The following MGAT5 variants were observed in gnomAD, a reference collection of about 807,000 sequenced individuals.
MGAT5 encodes alpha-1,6-mannosylglycoprotein 6-beta-N-acetylglucosaminyltransferase.
In MGAT5, 30 loss-of-function variants were observed where a neutral mutation model predicts 94.3. The ratio of observed to expected loss-of-function variants is 0.32; its 90% confidence interval spans 0.24 to 0.43. The LOEUF is 0.43. Among genes scored for constraint, MGAT5 ranks in the 20% least tolerant of loss-of-function variants. MGAT5 has a pLI of 1.00. For missense variants in MGAT5, 691 were observed against 905.5 expected (o/e 0.76, Z 3.04); for synonymous variants, 310 against 322.9 (o/e 0.96, Z 0.43).
At chr2:134,154,601 C>T (rs2139310) in intron 1 of MGAT5, among the ~76,000 whole-genome samples, 23,523 of 152,164 alleles carry the variant, frequency 0.15, 2,700 homozygotes, top group Non-Finnish European at 0.24. Flanking sequence ...CCTCCATTAT[C>T]TACCCCACAA....
intron 2 of MGAT5, among the ~76,000 whole-genome samples, chr2:134,278,737 C>G (rs1684524994): frequency 6.6e-6 from 1 of 152,268 alleles, no homozygotes; most frequent in Non-Finnish European, 1.5e-5. Flanking sequence ...GTGCCTCAGC[C>G]CCACTTGGAA....
intron 2 of MGAT5, among the ~76,000 whole-genome samples, chr2:134,316,224 C>T (rs16830401): frequency 0.023 from 3,517 of 152,206 alleles, 147 homozygotes; most frequent in African/African-American, 0.08. Context: ...ATTATTCTGC[C>T]GTGTTCTTAG....
At chr2:134,314,136 G>A (rs1686862459) in intron 2 of MGAT5, among the ~76,000 whole-genome samples, 1 of 152,202 alleles carries the variant, frequency 6.6e-6, no homozygotes, top group Admixed American at 6.5e-5. Flanking sequence ...AGGTTTGGGA[G>A]CAGTTCTGCC....
chr2:134,230,323 C>T (rs950934076), intron 1 of MGAT5, among the ~76,000 whole-genome samples: 19 of 152,168 alleles, frequency 1.2e-4, no homozygotes, highest in Non-Finnish European at 4.4e-5. Context: ...TTGCCTCCTG[C>T]TGTGTGGCCC....
chr2:134,329,666 A>T (rs530857700), intron 4 of MGAT5, among the ~76,000 whole-genome samples: 83 of 152,152 alleles, frequency 5.5e-4, no homozygotes, highest in African/African-American at 1.9e-3. Flanking sequence ...CTAGCATGAT[A>T]ATTAGCCTTT....
At chr2:134,394,649 G>A (rs1682605966) in intron 10 of MGAT5, among the ~76,000 whole-genome samples, 1 of 152,116 alleles carries the variant, frequency 6.6e-6, no homozygotes, top group Non-Finnish European at 1.5e-5. Context: ...TGATGTGATT[G>A]GGTGGTACTT....
intron 1 of MGAT5, among the ~76,000 whole-genome samples, chr2:134,164,020 G>A (rs2105078113): frequency 6.6e-6 from 1 of 152,286 alleles, no homozygotes; most frequent in South Asian, 2.1e-4. Flanking sequence ...CAGTGTGTAG[G>A]GAACCTGCAG....
chr2:134,402,438 C>T (rs1377884683), intron 10 of MGAT5, among the ~76,000 whole-genome samples: 8 of 152,154 alleles, frequency 5.3e-5, no homozygotes, highest in African/African-American at 1.7e-4. Flanking sequence ...CTCATCTTCC[C>T]ATGATCCCAA....
At chr2:134,121,298 C>T (rs934947376) in intron 1 of MGAT5, among the ~76,000 whole-genome samples, 8 of 152,186 alleles carry the variant, frequency 5.3e-5, no homozygotes, top group African/African-American at 1.9e-4. Flanking sequence ...GACCCGCGCG[C>T]GGTGCGCCCG....
chr2:134,193,279 T>A (rs1239732240), intron 1 of MGAT5, among the ~76,000 whole-genome samples: 5 of 152,066 alleles, frequency 3.3e-5, no homozygotes, highest in African/African-American at 9.7e-5. Context: ...CATGCCAACA[T>A]GCCTAGCTAC....
chr2:134,334,990 C>T (rs538412053), intron 4 of MGAT5, among the ~76,000 whole-genome samples: 4 of 152,204 alleles, frequency 2.6e-5, no homozygotes, highest in South Asian at 2.1e-4. Context: ...TCAGAGATTC[C>T]GCCCTCTCCC....
At chr2:134,236,230 G>A (rs1209982161) in intron 1 of MGAT5, among the ~76,000 whole-genome samples, 1 of 152,182 alleles carries the variant, frequency 6.6e-6, no homozygotes, top group African/African-American at 2.4e-5. Flanking sequence ...CTTGCAGGCA[G>A]TGGTTCCAGG....
intron 11 of MGAT5, among the ~76,000 whole-genome samples, chr2:134,412,208 A>G (rs528342091): frequency 6.6e-6 from 1 of 152,218 alleles, no homozygotes; most frequent in African/African-American, 2.4e-5. Context: ...TGGGGGAAGC[A>G]CATGGTTTGC....
At chr2:134,235,696 T>C (rs1681603110) in intron 1 of MGAT5, among the ~76,000 whole-genome samples, 1 of 151,414 alleles carries the variant, frequency 6.6e-6, no homozygotes, top group Non-Finnish European at 1.5e-5. Context: ...TGTACTGCTG[T>C]AGGGATTTAA....
chr2:134,378,945 G>A (rs1291079138), intron 10 of MGAT5, among the ~76,000 whole-genome samples: 1 of 152,162 alleles, frequency 6.6e-6, no homozygotes, highest in Non-Finnish European at 1.5e-5. Context: ...ATATGTGAGA[G>A]CATTCAGTGC....
rs61432980 is a variant in MGAT5, at chr2:134,232,016, G to A, written c.-142-22246G>A. ...CACAAACCAGCTCCTCCATTTTCCT[G>A]TCTTGGTGAATGACATGTCACCTTT... On this transcript the variant is annotated intron_variant, in intron 1 of 16. Coordinates refer to the MGAT5 transcript ENST00000409645. Among the ~76,000 whole-genome samples, 1,383 of 152,192 alleles carry A rather than the reference G, an allele frequency of 9.1e-3. 16 individuals are homozygous for A. The highest frequency in any genetic ancestry group is 0.033 in the East Asian group (170 of 5,186).
chr2:134,369,727 T>TTGTGTGTGTG (rs10526028), intron 10 of MGAT5, among the ~76,000 whole-genome samples: 1,497 of 142,034 alleles, frequency 0.011, 16 homozygotes, highest in African/African-American at 0.016. Flanking sequence ...GGTTTTTACA[T>TTGTGTGTGTG]TGTGTGTGTG....
chr2:134,189,602 G>GTTTTGTTTTGTTTTGTTTTTTTTTTTTT (rs1553490380), intron 1 of MGAT5, among the ~76,000 whole-genome samples: 1 of 84,672 alleles, frequency 1.2e-5, no homozygotes, highest in Non-Finnish European at 2.3e-5. Context: ...GTTTTTTTTT[G>GTTTTGTTTTGTTTTGTTTTTTTTTTTTT]TTTTTTTTTT....
chr2:134,222,128 G>A (rs1680805798), intron 1 of MGAT5, among the ~76,000 whole-genome samples: 2 of 145,422 alleles, frequency 1.4e-5, no homozygotes, highest in South Asian at 4.5e-4. Flanking sequence ...GATGGAGTCA[G>A]GCCTAGGGTT....
Sources: allele counts gnomAD v4.1 joint callset (sites outside exome capture counted in the v4.1 genomes callset), GRCh38; gene constraint gnomAD v4.1.1; transcripts MANE v1.5; gene names NCBI Gene and HGNC (gene_info 2026-07-23, HGNC 2026-07-21).